Variants in MRTFA observed in about 807,000 individuals in gnomAD.
The protein encoded by MRTFA is myocardin-related transcription factor A.
A neutral mutation model predicts 83.5 loss-of-function variants in MRTFA; 20 were observed. The observed-to-expected ratio is 0.24, with a 90% CI of 0.17 to 0.35. The LOEUF (loss-of-function observed/expected upper bound fraction) is 0.35. Among genes scored for constraint, MRTFA ranks in the 10% least tolerant of loss-of-function variants. MRTFA has a pLI of 1.00. For synonymous variants in MRTFA, 659 were observed against 541.2 expected (o/e 1.22, Z -3.02); for missense variants, 1,200 against 1,224.7 (o/e 0.98, Z 0.30).
intron 4 of MRTFA, among the ~76,000 whole-genome samples, chr22:40,443,080 C>T (rs1456705981): frequency 1.3e-5 from 2 of 151,976 alleles, no homozygotes; most frequent in African/African-American, 4.8e-5. Context: ...GGCAAAACCC[C>T]GTCTCTACTA....
At chr22:40,603,594 G>A (rs535935721) in intron 1 of MRTFA, among the ~76,000 whole-genome samples, 4 of 152,082 alleles carry the variant, frequency 2.6e-5, no homozygotes, top group East Asian at 1.9e-4. Flanking sequence ...GGAGACAAAC[G>A]GAATTTTTGC....
At chr22:40,629,869 A>G (rs2056623309) in intron 1 of MRTFA, among the ~76,000 whole-genome samples, 1 of 149,448 alleles carries the variant, frequency 6.7e-6, no homozygotes, top group African/African-American at 2.4e-5. Context: ...GGATCACTTA[A>G]GACAAGGAGT....
chr22:40,478,271 A>G (rs2054030582), intron 3 of MRTFA, among the ~76,000 whole-genome samples: 1 of 152,302 alleles, frequency 6.6e-6, no homozygotes, highest in East Asian at 1.9e-4. Flanking sequence ...AAACGACATT[A>G]GTGGGAAAAC....
intron 1 of MRTFA, among the ~76,000 whole-genome samples, chr22:40,626,403 C>G (rs989060183): frequency 3.9e-5 from 6 of 152,130 alleles, no homozygotes; most frequent in African/African-American, 1.4e-4. Context: ...TTCTCTCCCA[C>G]GCCTCAAGTT....
intron 1 of MRTFA, among the ~76,000 whole-genome samples, chr22:40,606,004 CAATA>C (rs2056315237): frequency 6.6e-6 from 1 of 152,160 alleles, no homozygotes; most frequent in African/African-American, 2.4e-5. Context: ...TTTCAGGAGA[CAATA>C]AACTCTACGG....
intron 2 of MRTFA, among the ~76,000 whole-genome samples, chr22:40,592,799 T>C (rs1006639086): frequency 4.6e-5 from 7 of 152,128 alleles, no homozygotes; most frequent in African/African-American, 1.7e-4. Context: ...AGCCTGGTAA[T>C]TTCTTTACAA....
intron 2 of MRTFA, chr22:40,587,853 G>A: frequency 2.5e-6 from 1 of 399,442 alleles, no homozygotes; most frequent in Non-Finnish European, 4.8e-6. Context: ...AGATAGGGCT[G>A]TCTGTTGTTT....
chr22:40,436,234 T>G (rs1453607949), intron 4 of MRTFA: 1 of 154,684 alleles, frequency 6.5e-6, no homozygotes, highest in Non-Finnish European at 1.5e-5. Context: ...CACATTATTC[T>G]CAGGACACCT....
intron 5 of MRTFA, chr22:40,433,233 C>G (rs769990246): frequency 6.4e-4 from 102 of 159,696 alleles, no homozygotes; most frequent in Non-Finnish European, 1.2e-3. Flanking sequence ...GATGGAAAAC[C>G]AGAGAACTTT....
intron 3 of MRTFA, among the ~76,000 whole-genome samples, chr22:40,494,583 A>G (rs942241868): frequency 2.2e-4 from 34 of 152,194 alleles, no homozygotes; most frequent in African/African-American, 7.9e-4. Context: ...CAGGAGGCTA[A>G]GGTAGGAGCA....
intron 5 of MRTFA, among the ~76,000 whole-genome samples, chr22:40,432,687 G>GA (rs71199286): frequency 4.0e-4 from 58 of 145,608 alleles, no homozygotes; most frequent in East Asian, 1.0e-3. Flanking sequence ...TGAAGAAAAA[G>GA]AAAAAAAAAA....
At chr22:40,574,343 T>C (rs2055838419) in intron 2 of MRTFA, among the ~76,000 whole-genome samples, 1 of 152,194 alleles carries the variant, frequency 6.6e-6, no homozygotes. Context: ...GCTGCATCTA[T>C]ACTGAACATT....
chr22:40,606,161 T>C (rs894452765), intron 1 of MRTFA, among the ~76,000 whole-genome samples: 1 of 152,166 alleles, frequency 6.6e-6, no homozygotes, highest in African/African-American at 2.4e-5. Flanking sequence ...CAAACTCATT[T>C]AATTCTCTCT....
chr22:40,515,363 C>A (rs2054740502), intron 3 of MRTFA, among the ~76,000 whole-genome samples: 1 of 151,884 alleles, frequency 6.6e-6, no homozygotes, highest in Admixed American at 6.6e-5. Flanking sequence ...TAGTGAGAAA[C>A]ATATACATTT....
chr22:40,625,623 C>T (rs1473306233), intron 1 of MRTFA, among the ~76,000 whole-genome samples: 1 of 151,880 alleles, frequency 6.6e-6, no homozygotes, highest in Non-Finnish European at 1.5e-5. Flanking sequence ...ACTAAAAACA[C>T]AAAAATTAGT....
intron 2 of MRTFA, among the ~76,000 whole-genome samples, chr22:40,577,402 T>C (rs377023404): frequency 1.3e-4 from 20 of 151,970 alleles, no homozygotes; most frequent in African/African-American, 2.7e-4. Flanking sequence ...ATGTACATAA[T>C]AGACATTAAC....
At position 40,600,898 on chromosome 22, in the gene MRTFA, C is replaced by A. The variant is rs1400029899; in HGVS notation, c.-83-6163G>T. Among the ~76,000 whole-genome samples the A allele has an allele frequency of 1.3e-5, 2 of 152,142 alleles. 1 individual carries two copies. The highest frequency in any genetic ancestry group is 4.1e-4 in the South Asian group (2 of 4,826). On this transcript the variant is annotated intron_variant, in intron 1 of 14. Transcript: ENST00000355630. Reference sequence around the variant, plus strand: ...ATGGCTGAGGCAGAATAGCTTGAACCCGGAAGGTGGAGGTTGCAGTGAGCC... The same window carrying A: ...ATGGCTGAGGCAGAATAGCTTGAACACGGAAGGTGGAGGTTGCAGTGAGCC...
At chr22:40,453,505 G>A (rs1295063920) in intron 4 of MRTFA, among the ~76,000 whole-genome samples, 1 of 152,146 alleles carries the variant, frequency 6.6e-6, no homozygotes, top group Non-Finnish European at 1.5e-5. Context: ...ACACACAGGG[G>A]CAGCAGTTGA....
intron 6 of MRTFA, among the ~76,000 whole-genome samples, chr22:40,430,259 A>G (rs2053040665): frequency 6.6e-6 from 1 of 151,898 alleles, no homozygotes. Flanking sequence ...AGGCCAAGGC[A>G]TGTGGATCAC....
Sources: gnomAD v4.1 joint callset for allele counts (sites outside exome capture counted in the v4.1 genomes callset) on GRCh38, gnomAD v4.1.1 for gene constraint, MANE v1.5 for transcripts, NCBI Gene and HGNC (gene_info 2026-07-23, HGNC 2026-07-21) for gene names.